AUH: variants seen among roughly 807,000 people sequenced by gnomAD.
The protein encoded by AUH is AU RNA binding methylglutaconyl-CoA hydratase, also known as methylglutaconyl-CoA hydratase, mitochondrial.
AUH carries 29 observed loss-of-function variants against 42.3 expected under a neutral mutation model. That is an observed-to-expected ratio of 0.69 (90% CI 0.51 to 0.93). The LOEUF (loss-of-function observed/expected upper bound fraction) is 0.93. Among genes scored for constraint, AUH ranks in the 40% least tolerant of loss-of-function variants. AUH has a pLI of 0.00. For missense variants in AUH, 452 were observed against 438.1 expected, an observed-to-expected ratio of 1.03 and a Z score of -0.28; for synonymous variants, 174 against 166.4, an observed-to-expected ratio of 1.05 and a Z score of -0.35.
intron 6 of AUH, among the ~76,000 whole-genome samples, chr9:91,259,607 A>G (rs1159448398): frequency 5.9e-5 from 9 of 152,156 alleles, no homozygotes; most frequent in African/African-American, 2.2e-4. Context: ...TTTTATCTAC[A>G]TCCCACAAAA....
At chr9:91,359,894 A>C (rs1832718742) in intron 1 of AUH, among the ~76,000 whole-genome samples, 1 of 152,214 alleles carries the variant, frequency 6.6e-6, no homozygotes, top group Non-Finnish European at 1.5e-5. Context: ...AAAGCAAAGC[A>C]AAGCCTAGGT....
chr9:91,217,188 A>T, intron 8 of AUH, 89 bp downstream of exon 8: 1 of 1,336,884 alleles, frequency 7.5e-7, no homozygotes, highest in Non-Finnish European at 1.1e-6. Context: ...TTAGAACTTT[A>T]AAAAAAATGT....
chr9:91,252,373 A>ACAG (rs1829181104), intron 6 of AUH, among the ~76,000 whole-genome samples: 1 of 152,108 alleles, frequency 6.6e-6, no homozygotes. Flanking sequence ...AAAGCATAAA[A>ACAG]CAGCAGCAGG....
At chr9:91,246,403 C>T (rs1828797010) in intron 6 of AUH, among the ~76,000 whole-genome samples, 1 of 152,226 alleles carries the variant, frequency 6.6e-6, no homozygotes, top group Non-Finnish European at 1.5e-5. Flanking sequence ...AAGGCACACA[C>T]ATGGCATCCT....
At chr9:91,311,778 C>A (rs1828717644) in intron 4 of AUH, among the ~76,000 whole-genome samples, 1 of 152,138 alleles carries the variant, frequency 6.6e-6, no homozygotes, top group African/African-American at 2.4e-5. Context: ...AGGTGCACAC[C>A]AGGAAGCCCT....
intron 6 of AUH, among the ~76,000 whole-genome samples, chr9:91,248,248 T>C (rs1437373580): frequency 6.6e-6 from 1 of 152,242 alleles, no homozygotes; most frequent in Non-Finnish European, 1.5e-5. Context: ...CAACCAATAG[T>C]TGAAAAGCCT....
intron 5 of AUH, 43 bp downstream of exon 5, chr9:91,297,941 C>T (rs753552227): frequency 3.5e-6 from 5 of 1,429,584 alleles, no homozygotes; most frequent in African/African-American, 2.8e-5. Flanking sequence ...TAAACACAAC[C>T]TTCACTTTTT....
At chr9:91,218,933 A>G in intron 7 of AUH, 1 of 985,280 alleles carries the variant, frequency 1.0e-6, no homozygotes, top group South Asian at 4.7e-5. Flanking sequence ...CTTCTTATAC[A>G]TCAACATCTT....
chr9:91,267,381 C>T (rs1830030417), intron 6 of AUH, among the ~76,000 whole-genome samples: 1 of 152,160 alleles, frequency 6.6e-6, no homozygotes, highest in Non-Finnish European at 1.5e-5. Flanking sequence ...TAACTCTAAA[C>T]CTTTACAATG....
intron 3 of AUH, among the ~76,000 whole-genome samples, chr9:91,334,162 T>G (rs1421725874): frequency 6.6e-6 from 1 of 152,216 alleles, no homozygotes; most frequent in Admixed American, 6.5e-5. Context: ...GAATGCAAAG[T>G]GGCTGCACAT....
At chr9:91,303,573 C>T (rs1027904891) in intron 4 of AUH, among the ~76,000 whole-genome samples, 13 of 152,174 alleles carry the variant, frequency 8.5e-5, no homozygotes, top group South Asian at 4.1e-4. Context: ...GTGATCCACC[C>T]GCCTCGGCCT....
chr9:91,240,762 T>C (rs1262242038), intron 6 of AUH, among the ~76,000 whole-genome samples: 1 of 151,610 alleles, frequency 6.6e-6, no homozygotes, highest in Non-Finnish European at 1.5e-5. Flanking sequence ...TGAGAGAGTC[T>C]CTGGGGGCCC....
intron 3 of AUH, among the ~76,000 whole-genome samples, chr9:91,352,835 T>A (rs1224813510): frequency 6.6e-6 from 1 of 152,186 alleles, no homozygotes; most frequent in African/African-American, 2.4e-5. Context: ...GAGTCCCTGT[T>A]GTTTGCTGTG....
chr9:91,242,000 A>C (rs1454971075), intron 6 of AUH, among the ~76,000 whole-genome samples: 1 of 152,224 alleles, frequency 6.6e-6, no homozygotes, highest in Non-Finnish European at 1.5e-5. Context: ...ACTCTTTGAT[A>C]GATTCTAAGG....
chr9:91,316,203 A>G (rs539989417), intron 4 of AUH, among the ~76,000 whole-genome samples: 2 of 152,332 alleles, frequency 1.3e-5, no homozygotes, highest in African/African-American at 2.4e-5. Flanking sequence ...CAACCCATTC[A>G]TGAGCTAGTC....
chr9:91,266,222 C>G (rs866329960), intron 6 of AUH, among the ~76,000 whole-genome samples: 1 of 151,838 alleles, frequency 6.6e-6, no homozygotes. Context: ...ATTAGCTGGG[C>G]GTGGTGGCAG....
chr9:91,348,146 TAAAC>T (rs1011828246), intron 3 of AUH, among the ~76,000 whole-genome samples: 7 of 150,878 alleles, frequency 4.6e-5, no homozygotes, highest in African/African-American at 1.2e-4. Context: ...AAAATTCAAA[TAAAC>T]AAGTCATCAA....
At chr9:91,282,884 C>G (rs1340425107) in intron 6 of AUH, among the ~76,000 whole-genome samples, 2 of 152,124 alleles carry the variant, frequency 1.3e-5, no homozygotes, top group Non-Finnish European at 2.9e-5. Flanking sequence ...ACCAAAGGTA[C>G]AAGGAGGAGC....
At chr9:91,247,039 G>A (rs538226199) in intron 6 of AUH, among the ~76,000 whole-genome samples, 2 of 152,102 alleles carry the variant, frequency 1.3e-5, no homozygotes, top group African/African-American at 2.4e-5. Context: ...TCCTTTCCCC[G>A]ACAATCCTTC....
Sources: gnomAD v4.1 joint callset for allele counts (sites outside exome capture counted in the v4.1 genomes callset) on GRCh38, gnomAD v4.1.1 for gene constraint, MANE v1.5 for transcripts, NCBI Gene and HGNC (gene_info 2026-07-23, HGNC 2026-07-21) for gene names.